PCDHA2: variants seen among roughly 807,000 people sequenced by gnomAD.
The protein encoded by PCDHA2 is protocadherin alpha-2.
A neutral mutation model predicts 66.0 loss-of-function variants in PCDHA2; 58 were observed. That is an observed-to-expected ratio of 0.88 (90% CI 0.71 to 1.09). The LOEUF (loss-of-function observed/expected upper bound fraction) is 1.09. PCDHA2 is among the 50% of genes least tolerant of loss of function. The pLI, the probability that PCDHA2 is intolerant of heterozygous loss-of-function variation, is 0.00. For synonymous variants in PCDHA2, 634 were observed against 554.0 expected (o/e 1.14, Z -2.03); for missense variants, 1,267 against 1,242.3 (o/e 1.02, Z -0.30).
At chr5:140,929,678 T>C in intron 1 of PCDHA2, 1 of 305,066 alleles carries the variant, frequency 3.3e-6, no homozygotes, top group East Asian at 5.8e-5. Flanking sequence ...ATGAAAAATA[T>C]GTAAGAGTCT....
rs1265852069 is a variant in PCDHA2 at position 140,837,275 on chromosome 5, CTT to C, written c.2388+39924_2388+39925del. The C allele has an allele frequency of 4.6e-5, 7 of 152,036 alleles. 1 individual carries two copies. The highest frequency in any genetic ancestry group is 1.7e-4 in the African/African-American group (7 of 41,340). 9.4% of individuals were successfully genotyped at this position (152,036 alleles called of 1,614,324 possible). ...TTTTATCATATTTGTGTAGCACTGA[CTT>C]CTTTTTAACTTACTTTGTTGAGATG... On this transcript the variant is annotated intron_variant, in intron 1 of 3. Coordinates refer to ENST00000526136, the MANE Select transcript of PCDHA2 (RefSeq NM_018905.3).
chr5:140,796,835 T>TG lies in PCDHA2; in HGVS notation c.1875dup (p.Leu626AlafsTer5). 1 of 1,614,050 alleles carries TG rather than the reference T, an allele frequency of 6.2e-7. No homozygotes were observed. Among genetic ancestry groups the TG allele is most frequent in the Non-Finnish European group, 8.5e-7 (1 of 1,179,974 alleles). ...GGCAGCGCTCGCATCCCGTTCCGCG[T>TG]GGGGCTATACACGGGTGAGATCAGC... On this transcript the variant is annotated frameshift_variant, in exon 1 of 4. Transcript: ENST00000526136. LOFTEE classifies it high-confidence loss of function.
At chr5:140,978,615 T>C in intron 1 of PCDHA2, among the ~76,000 whole-genome samples, 1 of 152,238 alleles carries the variant, frequency 6.6e-6, no homozygotes, top group East Asian at 1.9e-4. Context: ...GCAAAAGCAG[T>C]GAAAGCTTTT....
intron 3 of PCDHA2, among the ~76,000 whole-genome samples, chr5:140,993,715 G>A (rs954129865): frequency 2.0e-5 from 3 of 152,060 alleles, no homozygotes; most frequent in Non-Finnish European, 4.4e-5. Flanking sequence ...TATTTTTACT[G>A]TACCTTTTCT....
chr5:140,877,680 G>A, intron 1 of PCDHA2: 1 of 1,613,738 alleles, frequency 6.2e-7, no homozygotes, highest in Non-Finnish European at 8.5e-7. Flanking sequence ...CGCCGGGCAA[G>A]CCCACGCTGG....
intron 1 of PCDHA2, among the ~76,000 whole-genome samples, chr5:140,819,361 T>C (rs2150103983): frequency 9.2e-5 from 14 of 152,180 alleles, no homozygotes; most frequent in Non-Finnish European, 1.8e-4. Context: ...GATTAAATTT[T>C]CTTGTGTTAG....
At chr5:140,939,119 C>A (rs1427966155) in intron 1 of PCDHA2, among the ~76,000 whole-genome samples, 9 of 152,170 alleles carry the variant, frequency 5.9e-5, no homozygotes, top group African/African-American at 1.7e-4. Flanking sequence ...TTTCACAATT[C>A]TGGAAGCTGG....
chr5:140,927,609 C>T (rs1285751413), intron 1 of PCDHA2: 1 of 1,614,076 alleles, frequency 6.2e-7, no homozygotes, highest in Admixed American at 1.7e-5. Flanking sequence ...CCGTATACCG[C>T]ACCAAGGTTC....
rs183844925 is a variant in PCDHA2, at chr5:140,839,263, T to C, written c.2388+41911T>C. Among the ~76,000 whole-genome samples the C allele has an allele frequency of 3.7e-4, 56 of 152,234 alleles. 2 individuals carry two copies. Among genetic ancestry groups the C allele is most frequent in the African/African-American group, 1.3e-3 (52 of 41,512 alleles). On this transcript the variant is annotated intron_variant, in intron 1 of 3. Transcript: ENST00000526136. ...CTTTGCTTTTATGCTTACATGCATG[T>C]ATATTTAAAACCTTCCTAGCATATT...
At chr5:140,805,603 AT>A (rs1562201492) in intron 1 of PCDHA2, 6 of 922,354 alleles carry the variant, frequency 6.5e-6, no homozygotes, top group Non-Finnish European at 7.8e-6. Context: ...TATATATTAA[AT>A]TTCTTTATGT....
intron 1 of PCDHA2, among the ~76,000 whole-genome samples, chr5:140,924,825 G>A (rs1282051408): frequency 1.3e-5 from 2 of 151,514 alleles, no homozygotes; most frequent in African/African-American, 4.9e-5. Flanking sequence ...AACCTGGGAG[G>A]GGGAGGTTGC....
At chr5:140,987,515 T>TA (rs2097257557) in intron 3 of PCDHA2, among the ~76,000 whole-genome samples, 1 of 152,160 alleles carries the variant, frequency 6.6e-6, no homozygotes, top group African/African-American at 2.4e-5. Flanking sequence ...TGCCACTCAG[T>TA]AATTGTATGT....
rs782366361 is a variant in PCDHA2, at chr5:140,884,693, T to C, written c.2388+87341T>C. On this transcript the variant is annotated intron_variant, in intron 1 of 3. Coordinates refer to ENST00000526136, the MANE Select transcript of PCDHA2 (RefSeq NM_018905.3). ...CTTATATTTTAAAAAATTGTCTTAGTAAACACTTTAGCCTTCCTTGCAGTT... is the reference window on the plus strand; with the variant it reads ...CTTATATTTTAAAAAATTGTCTTAGCAAACACTTTAGCCTTCCTTGCAGTT... The C allele has an allele frequency of 2.1e-5, 32 of 1,524,768 alleles. No individual in the cohort carries two copies. The East Asian group carries it at 6.9e-4, about 33-fold the overall frequency. The allele number at this position is 1,524,768 out of a possible 1,614,324, so 94.5% of individuals were successfully genotyped here. A position where few individuals can be genotyped will look rare whatever the true frequency, so the allele number is the denominator to read the frequency against.
Position 140,795,771 on chromosome 5 carries a change from A to C in PCDHA2, c.807A>C (p.Ala269=), listed in dbSNP as rs1761993315. The change falls in exon 1 of 4, where the codon GCA becomes GCC. Residue 269 remains alanine, a synonymous_variant. Coordinates refer to ENST00000526136, the MANE Select transcript of PCDHA2 (RefSeq NM_018905.3). ...TGGTTAAGTTAAACGCTTCTGATGC[A>C]GATGAAGGACCGAACAGCGAGATTG... ...TLVVKLNASD[A]DEGPNSEIVY... is the part of the protein sequence containing the mutation. The C allele has an allele frequency of 6.2e-7, 1 of 1,613,918 alleles. No individual in the cohort carries two copies. The highest frequency in any genetic ancestry group is 8.5e-7 in the Non-Finnish European group (1 of 1,180,002).
chr5:140,821,829 T>G (rs2150110969), intron 1 of PCDHA2: 2 of 1,614,124 alleles, frequency 1.2e-6, no homozygotes, highest in South Asian at 2.2e-5. Context: ...TGCTCTGGCT[T>G]CTCCTTGCCT....
intron 1 of PCDHA2, among the ~76,000 whole-genome samples, chr5:140,805,879 T>C (rs1192632179): frequency 6.6e-6 from 1 of 152,126 alleles, no homozygotes; most frequent in Admixed American, 6.5e-5. Context: ...TATTAGGCAA[T>C]GGAAGGAAGC....
intron 1 of PCDHA2, among the ~76,000 whole-genome samples, chr5:140,838,077 A>AGTGTGTGTGT (rs57130401): frequency 1.2e-5 from 1 of 80,662 alleles, no homozygotes; most frequent in Non-Finnish European, 2.4e-5. Flanking sequence ...ATATATATAT[A>AGTGTGTGTGT]GTGTGTGTGT....
In PCDHA2 at chr5:140,858,143, A is replaced by T. The variant is rs781919234; in HGVS notation, c.2388+60791A>T. 1.9e-6 allele frequency: 3 copies of T among 1,597,218 alleles called. No homozygotes were observed. The South Asian group carries it at 3.3e-5, about 18-fold the overall frequency. On this transcript the variant is annotated intron_variant, in intron 1 of 3. Transcript: ENST00000526136. The stretch of plus-strand genomic sequence containing the variant: ...CCTGGTGGATGTCAACGTGTACCTG[A>T]TCATCGCCATCTGCGCGGTGTCCAG...
rs142570778 is a variant in PCDHA2 at position 141,009,810 on chromosome 5, A to G, written c.2720A>G (p.Asp907Gly). ...CAGGAGCCTACTAACAGCCAAATTG[A>G]CAAAAGTGACTTCATAACCTTCGGC... ...IRQEPTNSQI[D>G]KSDFITFGKK... The change falls in exon 4 of 4, where the codon GAC (aspartate) becomes GGC (glycine). Residue 907 changes from aspartate to glycine, a missense_variant. Asp to Gly is a moderately conservative substitution (Grantham distance 94). Transcript: ENST00000526136. 8 of 1,614,016 alleles carry G rather than the reference A, an allele frequency of 5.0e-6. No individual in the cohort carries two copies. Among genetic ancestry groups the G allele is most frequent in the Admixed American group, 3.3e-5 (2 of 60,000 alleles).
Sources: allele counts gnomAD v4.1 joint callset (sites outside exome capture counted in the v4.1 genomes callset), GRCh38; gene constraint gnomAD v4.1.1; transcripts MANE v1.5; gene names NCBI Gene and HGNC (gene_info 2026-07-23, HGNC 2026-07-21).